Variants in USP34 observed in about 807,000 individuals in gnomAD.
USP34 encodes ubiquitin carboxyl-terminal hydrolase 34.
Under a neutral mutation model 460.3 loss-of-function variants are expected in USP34, and 70 were observed. The observed-to-expected ratio is 0.15, with a 90% CI of 0.13 to 0.19. The LOEUF is 0.19. Among genes scored for constraint, USP34 ranks in the 10% least tolerant of loss-of-function variants. The probability of loss-of-function intolerance (pLI) is 1.00; values close to 1 mark genes in which losing one functional copy is unlikely to be tolerated. For synonymous variants in USP34, 1,647 were observed against 1,405.3 expected (o/e 1.17, Z -3.85); for missense variants, 3,985 against 4,236.2 (o/e 0.94, Z 1.65).
intron 59 of USP34, 77 bp downstream of exon 59, chr2:61,229,471 A>C (rs1180761780): frequency 5.7e-4 from 392 of 693,116 alleles, no homozygotes; most frequent in Non-Finnish European, 6.7e-4. Context: ...AAAAAAAAAA[A>C]AAAACAAAAA....
chr2:61,204,137 ATCT>A (rs1687050041), intron 74 of USP34, 116 bp downstream of exon 74: 4 of 1,338,836 alleles, frequency 3.0e-6, no homozygotes, highest in South Asian at 1.4e-5. Context: ...AATGAATCTA[ATCT>A]TCTTAGGATC....
intron 30 of USP34, 65 bp from the exon 31 acceptor site, chr2:61,295,355 A>T (rs771615658): frequency 6.7e-7 from 1 of 1,503,196 alleles, no homozygotes; most frequent in African/African-American, 1.4e-5. Context: ...GAAAAACTTT[A>T]AACAAACTGA....
intron 1 of USP34, among the ~76,000 whole-genome samples, chr2:61,467,925 G>A (rs1439290893): frequency 6.6e-6 from 1 of 151,772 alleles, no homozygotes; most frequent in Non-Finnish European, 1.5e-5. Flanking sequence ...GAGTTGCCCG[G>A]CCAACTCTGA....
intron 48 of USP34, among the ~76,000 whole-genome samples, chr2:61,255,126 G>A (rs10496091): frequency 0.28 from 42,646 of 152,054 alleles, 6,637 homozygotes; most frequent in African/African-American, 0.37. Flanking sequence ...CACTGTATGT[G>A]TAAGGCAATT....
At chr2:61,398,003 G>A (rs1021269986) in intron 3 of USP34, among the ~76,000 whole-genome samples, 1 of 152,076 alleles carries the variant, frequency 6.6e-6, no homozygotes, top group Non-Finnish European at 1.5e-5. Flanking sequence ...CTTGGGGGAG[G>A]GGGGTTGCAG....
intron 5 of USP34, among the ~76,000 whole-genome samples, chr2:61,393,256 C>T (rs1478194328): frequency 1.3e-5 from 2 of 151,602 alleles, no homozygotes; most frequent in African/African-American, 4.8e-5. Context: ...CATGGTGAAA[C>T]CCAATCTCTA....
At position 61,343,925 on chromosome 2, in the gene USP34, G is replaced by T. The variant is rs1162681096; in HGVS notation, c.2390C>A (p.Ser797Tyr). ...CTGAACTAGCTCCTCTTCACATCCAGATTCTTCACCATCAAAATCAGCCAT... is the reference window on the plus strand; with the variant it reads ...CTGAACTAGCTCCTCTTCACATCCATATTCTTCACCATCAAAATCAGCCAT... ...KNMADFDGEE[S>Y]GCEEELVQIN... Residue 797 changes from serine (S) to tyrosine (Y), a missense_variant, in exon 16 of 80, where the codon TCT becomes TAT. Ser to Tyr is a moderately radical substitution (Grantham distance 144, BLOSUM62 -2). Around this residue, in one of 14 missense-constraint regions of USP34, gnomAD observed 716 missense variants for 626.2 expected, o/e 1.14. Coordinates refer to ENST00000398571, the MANE Select transcript of USP34 (RefSeq NM_014709.4). 2 of 1,613,948 alleles carry T rather than the reference G, an allele frequency of 1.2e-6. No homozygotes were observed.
chr2:61,199,923 G>A (rs1324971610), intron 75 of USP34: 1 of 152,326 alleles, frequency 6.6e-6, no homozygotes, highest in Non-Finnish European at 1.5e-5. Context: ...ATTTTGAACT[G>A]TGAAGTATCT....
chr2:61,397,802 G>A (rs1396095703), intron 3 of USP34, among the ~76,000 whole-genome samples: 1 of 152,018 alleles, frequency 6.6e-6, no homozygotes, highest in Non-Finnish European at 1.5e-5. Flanking sequence ...GGGAGGCTGA[G>A]GCAGTAGAAC....
chr2:61,229,645 G>A lies in USP34; in HGVS notation c.7114-12C>T, dbSNP rs766976207. The A allele has an allele frequency of 3.7e-6, 6 of 1,606,650 alleles. No homozygotes were observed. Among genetic ancestry groups the A allele is most frequent in the Non-Finnish European group, 5.1e-6 (6 of 1,177,480 alleles). On this transcript the variant is annotated splice_polypyrimidine_tract_variant and intron_variant, in intron 58 of 79. Coordinates refer to ENST00000398571, the MANE Select transcript of USP34 (RefSeq NM_014709.4). ...AAACGCTGAAACATCTGTGAAGAAA[G>A]AAAAAGATCAAACAAGAGCCAACTC...
chr2:61,282,301 C>T (rs1331577977), intron 37 of USP34, among the ~76,000 whole-genome samples: 4 of 152,038 alleles, frequency 2.6e-5, no homozygotes, highest in Admixed American at 6.6e-5. Context: ...TATTAGACAA[C>T]GCAGGTTTAA....
intron 2 of USP34, among the ~76,000 whole-genome samples, chr2:61,419,094 TGA>T (rs1251061031): frequency 3.3e-5 from 5 of 152,226 alleles, no homozygotes; most frequent in Non-Finnish European, 7.3e-5. Flanking sequence ...AATGAGGAAA[TGA>T]GAGTTTACAG....
chr2:61,328,276 T>C (rs1048010547), intron 20 of USP34, among the ~76,000 whole-genome samples: 4 of 143,054 alleles, frequency 2.8e-5, no homozygotes, highest in African/African-American at 1.0e-4. Flanking sequence ...CACTCCAGCC[T>C]GGGCAAAAGA....
intron 3 of USP34, 75 bp downstream of exon 3, chr2:61,405,633 T>C (rs1693849113): frequency 1.1e-5 from 14 of 1,303,568 alleles, no homozygotes; most frequent in Non-Finnish European, 1.5e-5. Flanking sequence ...ACTGTCTTCA[T>C]ATTTATCAGT....
intron 8 of USP34, among the ~76,000 whole-genome samples, chr2:61,371,695 G>A (rs1171076363): frequency 6.6e-6 from 1 of 152,126 alleles, no homozygotes; most frequent in African/African-American, 2.4e-5. Flanking sequence ...GTAGTGTAGA[G>A]TCACATCCTA....
chr2:61,413,632 C>T (rs1489284841), intron 2 of USP34, among the ~76,000 whole-genome samples: 1 of 143,746 alleles, frequency 7.0e-6, no homozygotes, highest in Non-Finnish European at 1.5e-5. Context: ...TGCACTCCAT[C>T]CTGGCAATAC....
intron 20 of USP34, 62 bp from the exon 21 acceptor site, chr2:61,325,519 T>C (rs1477466289): frequency 9.1e-7 from 1 of 1,098,212 alleles, no homozygotes; most frequent in Non-Finnish European, 1.3e-6. Context: ...TTTAAAAATT[T>C]AGTGGTCCTA....
At chr2:61,252,122 C>T (rs1688600839) in intron 48 of USP34, among the ~76,000 whole-genome samples, 1 of 152,162 alleles carries the variant, frequency 6.6e-6, no homozygotes, top group Admixed American at 6.5e-5. Context: ...GGAGTTCCAT[C>T]ATTCTCCAGG....
chr2:61,260,701 C>T (rs927483776), intron 43 of USP34, among the ~76,000 whole-genome samples: 6 of 152,112 alleles, frequency 3.9e-5, no homozygotes, highest in African/African-American at 1.4e-4. Context: ...TTCCAGTGTA[C>T]TCCTGTTATA....
Sources: gnomAD v4.1 joint callset for allele counts (sites outside exome capture counted in the v4.1 genomes callset) on GRCh38, gnomAD v4.1.1 for gene constraint, gnomAD v4.1.1 regional missense constraint, MANE v1.5 for transcripts, NCBI Gene and HGNC (gene_info 2026-07-23, HGNC 2026-07-21) for gene names.